The following AKNAD1 variants were observed in gnomAD, a reference collection of about 807,000 sequenced individuals.
The protein encoded by AKNAD1 is protein AKNAD1.
AKNAD1 carries 67 observed loss-of-function variants against 90.8 expected under a neutral mutation model. That is an observed-to-expected ratio of 0.74 (90% CI 0.61 to 0.90). The LOEUF is 0.90. AKNAD1 is among the 40% of genes least tolerant of loss of function. The probability of loss-of-function intolerance (pLI) is 0.00; values close to 1 mark genes in which losing one functional copy is unlikely to be tolerated. For synonymous variants in AKNAD1, 327 were observed against 341.4 expected (o/e 0.96, Z 0.46); for missense variants, 957 against 975.4 (o/e 0.98, Z 0.25).
chr1:108,845,602 G>A (rs775352230), intron 5 of AKNAD1, among the ~76,000 whole-genome samples: 64 of 152,132 alleles, frequency 4.2e-4, no homozygotes, highest in African/African-American at 6.0e-4. Flanking sequence ...ACTCTCCTCC[G>A]TTGCCCCATT....
chr1:108,847,573 C>A (rs923296472), intron 5 of AKNAD1, among the ~76,000 whole-genome samples: 2 of 151,798 alleles, frequency 1.3e-5, no homozygotes, highest in African/African-American at 4.8e-5. Flanking sequence ...CCCCATGTCA[C>A]CACGTGCTCC....
At chr1:108,853,136 C>CTTT (rs889504364) in intron 1 of AKNAD1, among the ~76,000 whole-genome samples, 2 of 133,548 alleles carry the variant, frequency 1.5e-5, no homozygotes, top group Non-Finnish European at 3.2e-5. Flanking sequence ...TTTCTTTTTT[C>CTTT]TTTTTTTTTT....
intron 6 of AKNAD1, among the ~76,000 whole-genome samples, chr1:108,837,977 A>T (rs1355156520): frequency 6.6e-6 from 1 of 152,116 alleles, no homozygotes; most frequent in Non-Finnish European, 1.5e-5. Flanking sequence ...GGATAACAAT[A>T]TTGTACCTTA....
intron 15 of AKNAD1, among the ~76,000 whole-genome samples, chr1:108,816,672 C>T (rs1277215): frequency 0.28 from 43,032 of 151,850 alleles, 6,898 homozygotes; most frequent in East Asian, 0.7. Flanking sequence ...ACAGCGCATG[C>T]GTATGGAAAC....
chr1:108,847,504 G>A (rs554167121), intron 5 of AKNAD1, among the ~76,000 whole-genome samples: 73 of 150,546 alleles, frequency 4.8e-4, no homozygotes, highest in African/African-American at 1.7e-3. Flanking sequence ...TCAGCCTCAG[G>A]CATGGCTTAA....
chr1:108,846,371 T>G (rs142851252), intron 5 of AKNAD1, among the ~76,000 whole-genome samples: 77 of 152,314 alleles, frequency 5.1e-4, no homozygotes, highest in Non-Finnish European at 9.0e-4. Flanking sequence ...GAACCAGTTT[T>G]CTCTGCTCTG....
At chr1:108,822,447 A>T (rs555987255) in intron 13 of AKNAD1, among the ~76,000 whole-genome samples, 1 of 152,332 alleles carries the variant, frequency 6.6e-6, no homozygotes, top group African/African-American at 2.4e-5. Context: ...CCAAGGAGAT[A>T]GTGAAGAAAT....
chr1:108,844,921 C>G (rs1664660088), intron 5 of AKNAD1, among the ~76,000 whole-genome samples: 2 of 151,744 alleles, frequency 1.3e-5, no homozygotes, highest in Admixed American at 1.3e-4. Context: ...CAGGTTCAAG[C>G]AATTCTCCTG....
intron 5 of AKNAD1, among the ~76,000 whole-genome samples, chr1:108,844,532 C>A (rs1664649554): frequency 1.3e-5 from 2 of 152,016 alleles, no homozygotes; most frequent in African/African-American, 2.4e-5. Context: ...CTCTGGAGGG[C>A]CTGGACCAGG....
chr1:108,838,448 G>C (rs778851529), intron 6 of AKNAD1, among the ~76,000 whole-genome samples: 5 of 151,992 alleles, frequency 3.3e-5, no homozygotes, highest in Admixed American at 6.6e-5. Flanking sequence ...AATAACATAG[G>C]AAAACCAATG....
At chr1:108,843,719 C>T (rs1664620924) in intron 5 of AKNAD1, among the ~76,000 whole-genome samples, 1 of 152,146 alleles carries the variant, frequency 6.6e-6, no homozygotes, top group Non-Finnish European at 1.5e-5. Context: ...TGTCTGAAGG[C>T]ACATAGATCT....
intron 6 of AKNAD1, among the ~76,000 whole-genome samples, chr1:108,839,702 GAGAGTTCTC>G (rs1465559386): frequency 6.6e-6 from 1 of 152,070 alleles, no homozygotes; most frequent in African/African-American, 2.4e-5. Flanking sequence ...TCATACTTAG[GAGAGTTCTC>G]ATTATTATTA....
chr1:108,834,233 G>C (rs17029497), intron 9 of AKNAD1, among the ~76,000 whole-genome samples: 124 of 152,034 alleles, frequency 8.2e-4, no homozygotes, highest in African/African-American at 2.9e-3. Context: ...GAGAAGCTCC[G>C]GTCTAGGTAC....
chr1:108,851,418 A>T (rs1332593883), intron 2 of AKNAD1, among the ~76,000 whole-genome samples: 2 of 152,228 alleles, frequency 1.3e-5, no homozygotes, highest in Non-Finnish European at 2.9e-5. Flanking sequence ...AGCTAAGTTT[A>T]AGTGAGGAGA....
At chr1:108,817,746 C>T (rs1047033874) in intron 14 of AKNAD1, among the ~76,000 whole-genome samples, 3 of 151,374 alleles carry the variant, frequency 2.0e-5, no homozygotes, top group Non-Finnish European at 4.4e-5. Flanking sequence ...ACCTCGTGAT[C>T]CGCCCGCCTC....
chr1:108,856,670 C>T (rs1274307304), intron 1 of AKNAD1, among the ~76,000 whole-genome samples: 1 of 151,812 alleles, frequency 6.6e-6, no homozygotes, highest in African/African-American at 2.4e-5. Flanking sequence ...CATGCCACTG[C>T]ACTCCAGCCT....
chr1:108,849,518 A>C lies in AKNAD1; in HGVS notation c.1033+19T>G, dbSNP rs1017229322. On this transcript the variant is annotated intron_variant, in intron 3 of 15. Transcript: ENST00000370001. ...AAAACATATATATATATCTCAAAGA[A>C]GTTTTAAAACATTAGTACCTGTGAG... 1 of 1,478,306 alleles carries C rather than the reference A, an allele frequency of 6.8e-7. No individual in the cohort carries two copies. The highest frequency in any genetic ancestry group is 9.5e-7 in the Non-Finnish European group (1 of 1,057,122). 91.6% of individuals were successfully genotyped at this position (1,478,306 alleles called of 1,614,324 possible). A position where few individuals can be genotyped will look rare whatever the true frequency, so the allele number is the denominator to read the frequency against.
intron 15 of AKNAD1, 49 bp downstream of exon 15, chr1:108,816,999 T>C: frequency 6.2e-7 from 1 of 1,605,380 alleles, no homozygotes; most frequent in Non-Finnish European, 8.5e-7. Context: ...GGCATCAAGA[T>C]CAAACTTACG....
At chr1:108,854,213 AC>A (rs1279455846) in intron 1 of AKNAD1, among the ~76,000 whole-genome samples, 1 of 152,108 alleles carries the variant, frequency 6.6e-6, no homozygotes, top group Non-Finnish European at 1.5e-5. Flanking sequence ...AATTTAAAGC[AC>A]CCATTCAGAT....
Sources: gnomAD v4.1 joint callset for allele counts (sites outside exome capture counted in the v4.1 genomes callset) on GRCh38, gnomAD v4.1.1 for gene constraint, MANE v1.5 for transcripts, NCBI Gene and HGNC (gene_info 2026-07-23, HGNC 2026-07-21) for gene names.